Variants in PARN observed in about 807,000 individuals in gnomAD.
PARN encodes poly(A)-specific ribonuclease PARN.
PARN carries 71 observed loss-of-function variants against 102.8 expected under a neutral mutation model. The ratio of observed to expected loss-of-function variants is 0.69; its 90% CI spans 0.57 to 0.84. The LOEUF is 0.84. Among genes scored for constraint, PARN ranks in the 40% least tolerant of loss-of-function variants. PARN has a pLI of 0.00. For synonymous variants in PARN, 261 were observed against 252.9 expected (o/e 1.03, Z -0.30); for missense variants, 782 against 760.9 (o/e 1.03, Z -0.33).
At chr16:14,497,693 A>G (rs1046362446) in intron 21 of PARN, among the ~76,000 whole-genome samples, 16 of 152,204 alleles carry the variant, frequency 1.1e-4, no homozygotes, top group Admixed American at 3.9e-4. Context: ...CAGTGGTTGA[A>G]AAGCTTAGTC....
intron 18 of PARN, among the ~76,000 whole-genome samples, chr16:14,570,047 T>C (rs1968692665): frequency 6.6e-6 from 1 of 151,880 alleles, no homozygotes; most frequent in South Asian, 2.1e-4. Context: ...GGTTTTGAAA[T>C]AGGAAAGAGG....
At chr16:14,545,832 C>A (rs891189809) in intron 21 of PARN, among the ~76,000 whole-genome samples, 1 of 152,078 alleles carries the variant, frequency 6.6e-6, no homozygotes, top group East Asian at 1.9e-4. Flanking sequence ...TACCAACAAC[C>A]TCGAGGACGC....
intron 22 of PARN, among the ~76,000 whole-genome samples, chr16:14,447,946 C>CTA (rs1167986922): frequency 2.9e-5 from 3 of 103,342 alleles, no homozygotes; most frequent in Non-Finnish European, 6.1e-5. Flanking sequence ...TTTTATCTAT[C>CTA]TATCTATCTA....
At chr16:14,558,267 T>C (rs1219217679) in intron 18 of PARN, 1 of 152,116 alleles carries the variant, frequency 6.6e-6, no homozygotes, top group Non-Finnish European at 1.5e-5. Flanking sequence ...ACCCTGTCTC[T>C]ACTAAAAATA....
intron 22 of PARN, among the ~76,000 whole-genome samples, chr16:14,463,560 A>ACT (rs544395157): frequency 9.2e-5 from 14 of 152,250 alleles, no homozygotes; most frequent in Middle Eastern, 3.4e-3. Context: ...TTATAACTGC[A>ACT]CTCCATATGT....
chr16:14,504,325 C>G (rs541351682), intron 21 of PARN, among the ~76,000 whole-genome samples: 2 of 152,002 alleles, frequency 1.3e-5, no homozygotes, highest in African/African-American at 2.4e-5. Context: ...TTTTGGCGAC[C>G]GAGGTGGGTG....
At chr16:14,477,621 G>GA (rs1963139270) in intron 22 of PARN, among the ~76,000 whole-genome samples, 1 of 148,826 alleles carries the variant, frequency 6.7e-6, no homozygotes, top group East Asian at 2.0e-4. Flanking sequence ...ACTAAAAATC[G>GA]AAAAAAAATT....
intron 21 of PARN, among the ~76,000 whole-genome samples, chr16:14,495,642 C>T (rs1472131214): frequency 5.3e-5 from 8 of 152,108 alleles, no homozygotes; most frequent in South Asian, 2.1e-4. Context: ...TGACTGCAGA[C>T]GCCTCGAATT....
chr16:14,576,180 C>T (rs1208968982), intron 18 of PARN: 1 of 152,218 alleles, frequency 6.6e-6, no homozygotes, highest in African/African-American at 2.4e-5. Context: ...GAGGAGAAAA[C>T]ATTTGTCCAA....
chr16:14,574,475 G>A (rs1048997778), intron 18 of PARN, among the ~76,000 whole-genome samples: 1 of 152,162 alleles, frequency 6.6e-6, no homozygotes, highest in Non-Finnish European at 1.5e-5. Flanking sequence ...AGCACTTTGG[G>A]AAGCCAAGGT....
chr16:14,608,323 T>C lies in PARN; in HGVS notation c.621-4A>G, dbSNP rs2151794031. 10 of 1,523,022 alleles carry C rather than the reference T, an allele frequency of 6.6e-6. No homozygotes were observed. Among genetic ancestry groups the C allele is most frequent in the Non-Finnish European group, 8.9e-6 (10 of 1,123,874 alleles). 94.3% of individuals were successfully genotyped at this position (1,523,022 alleles called of 1,614,324 possible). ...ATAAATTAGTTTTCTTTGGAACCTA[T>C]AAAAACAAAAGAAAAGGTATTGATT... is the stretch of plus-strand genomic sequence containing the variant. On this transcript the variant is annotated splice_polypyrimidine_tract_variant and splice_region_variant and intron_variant, in intron 8 of 23. Transcript: ENST00000437198.
intron 21 of PARN, among the ~76,000 whole-genome samples, chr16:14,516,916 A>C (rs1339033264): frequency 1.3e-5 from 2 of 152,238 alleles, no homozygotes; most frequent in Non-Finnish European, 2.9e-5. Flanking sequence ...TGAAGAGGGC[A>C]CACAAGAAGG....
At chr16:14,556,198 C>T (rs897723405) in intron 18 of PARN, among the ~76,000 whole-genome samples, 2 of 150,924 alleles carry the variant, frequency 1.3e-5, no homozygotes, top group Admixed American at 6.6e-5. Flanking sequence ...CTTATTCTGT[C>T]GCCAGGCTGG....
chr16:14,554,171 T>C lies in PARN; in HGVS notation c.1319-20A>G, dbSNP rs1204944571. ...GCTGCACTACAAGACAAATTTATGA[T>C]GAAATATTGATGGGTGAAAAGTGAT... On this transcript the variant is annotated intron_variant, in intron 19 of 23. Transcript: ENST00000437198. 2.0e-6 allele frequency: 3 copies of C among 1,532,972 alleles called. No homozygotes were observed. The highest frequency in any genetic ancestry group is 2.7e-6 in the Non-Finnish European group (3 of 1,110,712). The allele number at this position is 1,532,972 out of a possible 1,614,324, so 95.0% of individuals were successfully genotyped here.
chr16:14,497,250 A>G (rs771109161), intron 21 of PARN, among the ~76,000 whole-genome samples: 1 of 152,064 alleles, frequency 6.6e-6, no homozygotes, highest in African/African-American at 2.4e-5. Context: ...ATAACACAAC[A>G]CAGCTCATTG....
At chr16:14,521,745 T>C (rs981000468) in intron 21 of PARN, among the ~76,000 whole-genome samples, 1 of 150,796 alleles carries the variant, frequency 6.6e-6, no homozygotes, top group East Asian at 2.0e-4. Context: ...GTGGTTGTGG[T>C]AAACCAAGAT....
chr16:14,540,851 T>A (rs1413198705), intron 21 of PARN, among the ~76,000 whole-genome samples: 1 of 152,068 alleles, frequency 6.6e-6, no homozygotes, highest in Non-Finnish European at 1.5e-5. Flanking sequence ...CTCAGGAGGC[T>A]GAGGCAGGAG....
At chr16:14,490,723 G>A (rs1258552522) in intron 21 of PARN, among the ~76,000 whole-genome samples, 1 of 152,102 alleles carries the variant, frequency 6.6e-6, no homozygotes, top group Non-Finnish European at 1.5e-5. Flanking sequence ...CCCCAAGCCT[G>A]GATGACACTA....
chr16:14,627,339 G>A lies in PARN; in HGVS notation c.178-3C>T, dbSNP rs1394966197. On this transcript the variant is annotated splice_region_variant and splice_polypyrimidine_tract_variant and intron_variant, in intron 3 of 23. Transcript: ENST00000437198. ...AATAGCAAAAAGTCCATGGAATGCT[G>A]GAAAAGGGAAATAAAACATCTGTCA... is the stretch of plus-strand genomic sequence containing the variant. The A allele has an allele frequency of 4.4e-6, 7 of 1,578,086 alleles. No individual in the cohort carries two copies. The Admixed American group carries it at 7.4e-5, about 17-fold the overall frequency.
Sources: allele counts gnomAD v4.1 joint callset (sites outside exome capture counted in the v4.1 genomes callset), GRCh38; gene constraint gnomAD v4.1.1; transcripts MANE v1.5; gene names NCBI Gene and HGNC (gene_info 2026-07-23, HGNC 2026-07-21).